Variants in WIPF3 observed in about 807,000 individuals in gnomAD.
WIPF3 encodes the protein WAS/WASL interacting protein family member 3, also known as WAS/WASL-interacting protein family member 3.
A neutral mutation model predicts 38.9 loss-of-function variants in WIPF3; 33 were observed. The ratio of observed to expected loss-of-function variants is 0.85; its 90% CI spans 0.64 to 1.14. The LOEUF (loss-of-function observed/expected upper bound fraction) is 1.14, where lower values mean the gene tolerates loss of function less well. Among genes scored for constraint, WIPF3 ranks in the 50% most tolerant of loss-of-function variants. The pLI, the probability that WIPF3 is intolerant of heterozygous loss-of-function variation, is 0.00. For synonymous variants in WIPF3, 324 were observed against 269.3 expected, an observed-to-expected ratio of 1.20 and a Z score of -1.99; for missense variants, 711 against 652.5, an observed-to-expected ratio of 1.09 and a Z score of -0.98.
At chr7:29,904,663 G>T in intron 8 of WIPF3, 1 of 323,638 alleles carries the variant, frequency 3.1e-6, no homozygotes, top group Non-Finnish European at 5.7e-6. Context: ...TGGTTATGAT[G>T]GCCTGTGAGA....
chr7:29,892,650 G>C (rs1354579133), intron 7 of WIPF3, among the ~76,000 whole-genome samples: 1 of 152,222 alleles, frequency 6.6e-6, no homozygotes, highest in South Asian at 2.1e-4. Flanking sequence ...GCCAGAGCCA[G>C]GAATTTTGAA....
rs960846858 is a variant in WIPF3, at chr7:29,914,925, A to G, written c.*409A>G. On this transcript the variant is annotated 3_prime_UTR_variant, in exon 9 of 9. Transcript: ENST00000242140. ...CGGCTTCTTATTGGCATAATTTCAT[A>G]TTCTCATCACACTAACTGCAAAATC... 1 of 154,248 alleles carries G rather than the reference A, an allele frequency of 6.5e-6. No individual in the cohort carries two copies. Among genetic ancestry groups the G allele is most frequent in the African/African-American group, 2.4e-5 (1 of 41,418 alleles). The allele number at this position is 154,248 out of a possible 1,614,324, so 9.6% of individuals were successfully genotyped here.
chr7:29,859,781 C>T lies in WIPF3; in HGVS notation c.91-16049C>T, dbSNP rs1785244743. ...GGGTTAAACTGTTAAAATGCATGGC[C>T]ATTTTACATAAGTTTATAAGAGTGG... is the stretch of plus-strand genomic sequence containing the variant. On this transcript the variant is annotated intron_variant, in intron 2 of 8. Coordinates refer to ENST00000242140, the MANE Select transcript of WIPF3 (RefSeq NM_001080529.3). 2.0e-5 allele frequency among the ~76,000 whole-genome samples: 3 copies of T among 152,052 alleles called. 1 individual carries two copies. The highest frequency in any genetic ancestry group is 4.8e-5 in the African/African-American group (2 of 41,384).
intron 2 of WIPF3, among the ~76,000 whole-genome samples, chr7:29,854,470 C>T (rs1444375623): frequency 6.6e-6 from 1 of 152,192 alleles, no homozygotes; most frequent in African/African-American, 2.4e-5. Flanking sequence ...TATATGCCAA[C>T]AGGTGGACTA....
At chr7:29,838,493 C>T (rs10282686) in intron 2 of WIPF3, among the ~76,000 whole-genome samples, 16,858 of 152,132 alleles carry the variant, frequency 0.11, 989 homozygotes, top group African/African-American at 0.15. Context: ...AAACAACCCA[C>T]ATTTTTTATG....
At chr7:29,912,472 T>C in intron 8 of WIPF3, 1 of 173,816 alleles carries the variant, frequency 5.8e-6, no homozygotes, top group Admixed American at 5.5e-5. Flanking sequence ...GAGATATTTG[T>C]ACACCCATGT....
intron 4 of WIPF3, among the ~76,000 whole-genome samples, chr7:29,882,595 C>T (rs1785743691): frequency 6.6e-6 from 1 of 152,180 alleles, no homozygotes. Context: ...TTTGATTGGC[C>T]TGGCTTTTGA....
chr7:29,904,838 C>T (rs1243326257), intron 8 of WIPF3: 1 of 156,196 alleles, frequency 6.4e-6, no homozygotes, highest in Non-Finnish European at 1.4e-5. Flanking sequence ...AAGAAATGAA[C>T]AGAACTAGAA....
intron 2 of WIPF3, among the ~76,000 whole-genome samples, chr7:29,867,232 G>A (rs566723617): frequency 1.6e-4 from 25 of 152,258 alleles, no homozygotes; most frequent in South Asian, 8.3e-4. Context: ...AGAAGGAGCC[G>A]GGACTCTGTA....
rs1009793286 is a variant in WIPF3, at chr7:29,834,687, G to T, written c.-38G>T. 1.1e-5 allele frequency: 16 copies of T among 1,454,454 alleles called. No individual in the cohort carries two copies. The highest frequency in any genetic ancestry group is 5.8e-5 in the Admixed American group (2 of 34,514). The allele number at this position is 1,454,454 out of a possible 1,614,324, so 90.1% of individuals were successfully genotyped here. A position where few individuals can be genotyped will look rare whatever the true frequency, so the allele number is the denominator to read the frequency against. On this transcript the variant is annotated 5_prime_UTR_variant, in exon 2 of 9. Coordinates refer to ENST00000242140, the MANE Select transcript of WIPF3 (RefSeq NM_001080529.3). The stretch of plus-strand genomic sequence containing the variant: ...TTTCAGAGCAGAAGCCACTCTCTTG[G>T]GACCATTCATAAGCAGGAGACATCA...
chr7:29,806,914 G>T (rs1451726006), intron 1 of WIPF3, among the ~76,000 whole-genome samples: 1 of 151,226 alleles, frequency 6.6e-6, no homozygotes, highest in African/African-American at 2.4e-5. Flanking sequence ...CGCCCCGGCC[G>T]GGCCGGGCCG....
At position 29,834,734 on chromosome 7, in the gene WIPF3, C is replaced by T; in HGVS notation, c.10C>T (p.Pro4Ser). 2 of 1,512,104 alleles carry T rather than the reference C, an allele frequency of 1.3e-6. No individual in the cohort carries two copies. The highest frequency in any genetic ancestry group is 1.4e-5 in the African/African-American group (1 of 71,936). The allele number at this position is 1,512,104 out of a possible 1,614,324, so 93.7% of individuals were successfully genotyped here. A position where few individuals can be genotyped will look rare whatever the true frequency, so the allele number is the denominator to read the frequency against. ...ATCAACACCGTGACACATGCCAGTG[C>T]CACCGCCACCCCCACCTCCTCTGCC... MPVPPPPPPPLPPP... is the reference protein window; with the variant it reads MPVSPPPPPPLPPP... The change falls in exon 2 of 9, where the codon CCA becomes TCA. Residue 4 changes from proline to serine, a missense_variant. Coordinates refer to ENST00000242140, the MANE Select transcript of WIPF3 (RefSeq NM_001080529.3).
chr7:29,868,234 AGAG>A (rs922174653), intron 2 of WIPF3, among the ~76,000 whole-genome samples: 7 of 152,150 alleles, frequency 4.6e-5, no homozygotes, highest in Non-Finnish European at 1.0e-4. Flanking sequence ...CATCCCCAGA[AGAG>A]GAGGTGGGCT....
At chr7:29,843,961 C>T (rs1784959273) in intron 2 of WIPF3, among the ~76,000 whole-genome samples, 1 of 151,970 alleles carries the variant, frequency 6.6e-6, no homozygotes, top group Non-Finnish European at 1.5e-5. Flanking sequence ...TTCCTGGCTG[C>T]CAAGCCAACA....
intron 1 of WIPF3, among the ~76,000 whole-genome samples, chr7:29,826,987 G>A (rs1313046557): frequency 6.6e-5 from 10 of 152,054 alleles, no homozygotes; most frequent in Admixed American, 5.2e-4. Context: ...GATAATAATG[G>A]TATCTATCTC....
chr7:29,831,795 G>A (rs895480179), intron 1 of WIPF3, among the ~76,000 whole-genome samples: 12 of 152,272 alleles, frequency 7.9e-5, no homozygotes, highest in Middle Eastern at 3.4e-3. Flanking sequence ...GAGAAAAGTC[G>A]TGGGCAGAAG....
chr7:29,888,006 A>T, intron 5 of WIPF3, 62 bp from the exon 6 acceptor site: 2 of 1,597,610 alleles, frequency 1.3e-6, no homozygotes, highest in Non-Finnish European at 1.7e-6. Context: ...TATCTCACAT[A>T]AGGTTATAGC....
At chr7:29,807,314 G>A (rs1341290677) in intron 1 of WIPF3, among the ~76,000 whole-genome samples, 1 of 152,182 alleles carries the variant, frequency 6.6e-6, no homozygotes, top group Admixed American at 6.5e-5. Flanking sequence ...AAGCCCCTGG[G>A]GTCAGTAGTC....
chr7:29,857,986 T>C (rs553187942), intron 2 of WIPF3, among the ~76,000 whole-genome samples: 73 of 152,212 alleles, frequency 4.8e-4, no homozygotes, highest in Non-Finnish European at 9.0e-4. Context: ...ATGAGCAGAC[T>C]GAGTACCAGA....
Sources: gnomAD v4.1 joint callset for allele counts (sites outside exome capture counted in the v4.1 genomes callset) on GRCh38, gnomAD v4.1.1 for gene constraint, MANE v1.5 for transcripts, NCBI Gene and HGNC (gene_info 2026-07-23, HGNC 2026-07-21) for gene names.